Variants in MRC1 observed in about 807,000 individuals in gnomAD.
The protein encoded by MRC1 is macrophage mannose receptor 1.
MRC1 carries 62 observed loss-of-function variants against 102.9 expected under a neutral mutation model. The observed-to-expected ratio is 0.60, with a 90% CI of 0.49 to 0.74. The LOEUF (loss-of-function observed/expected upper bound fraction) is 0.74, where lower values mean the gene tolerates loss of function less well. MRC1 is among the 30% of genes least tolerant of loss of function. MRC1 has a pLI of 0.00. For synonymous variants in MRC1, 457 were observed against 298.4 expected (o/e 1.53, Z -5.48); for missense variants, 1,237 against 862.8 (o/e 1.43, Z -5.43).
intron 12 of MRC1, among the ~76,000 whole-genome samples, chr10:17,867,242 C>T (rs1401758246): frequency 1.3e-5 from 2 of 150,094 alleles, no homozygotes; most frequent in South Asian, 2.1e-4. Flanking sequence ...CTCCTCTCTC[C>T]CCCTTCCCCC....
At chr10:17,833,869 C>T (rs1838621163) in intron 4 of MRC1, 30 bp downstream of exon 4, 1 of 779,374 alleles carries the variant, frequency 1.3e-6, no homozygotes, top group Admixed American at 1.7e-5. Flanking sequence ...CAAGTAAAAT[C>T]ATGACTGCTT....
intron 14 of MRC1, 91 bp downstream of exon 14, chr10:17,871,026 A>T: frequency 1.3e-6 from 1 of 794,764 alleles, no homozygotes; most frequent in East Asian, 2.4e-5. Flanking sequence ...TTTTAATAAG[A>T]CAGTTCATTA....
intron 15 of MRC1, among the ~76,000 whole-genome samples, chr10:17,872,350 AC>A (rs1427236238): frequency 6.6e-6 from 1 of 152,222 alleles, no homozygotes; most frequent in Non-Finnish European, 1.5e-5. Context: ...GGCAAGAGTC[AC>A]GTCCTTCCAA....
chr10:17,856,386 A>G, intron 9 of MRC1, 34 bp downstream of exon 9: 1 of 821,806 alleles, frequency 1.2e-6, no homozygotes, highest in East Asian at 2.6e-5. Context: ...ACTTAAGCTG[A>G]GCACGTATGA....
At chr10:17,878,275 T>C (rs1367023424) in intron 18 of MRC1, among the ~76,000 whole-genome samples, 1 of 152,220 alleles carries the variant, frequency 6.6e-6, no homozygotes, top group Non-Finnish European at 1.5e-5. Context: ...ATACAAATAC[T>C]GAATTTATTT....
chr10:17,865,702 T>C (rs921769987), intron 11 of MRC1, among the ~76,000 whole-genome samples: 6,067 of 152,292 alleles, frequency 0.04, 369 homozygotes, highest in African/African-American at 0.13. Flanking sequence ...TAGTCATCTA[T>C]TCCACAGTTA....
At chr10:17,839,838 C>A (rs1206212728) in intron 4 of MRC1, among the ~76,000 whole-genome samples, 4 of 151,366 alleles carry the variant, frequency 2.6e-5, no homozygotes, top group African/African-American at 7.3e-5. Flanking sequence ...GTGGGCGGAT[C>A]ACCTGAGGTC....
chr10:17,819,898 T>C (rs1838370355), intron 1 of MRC1, among the ~76,000 whole-genome samples: 1 of 152,146 alleles, frequency 6.6e-6, no homozygotes, highest in Non-Finnish European at 1.5e-5. Context: ...TGAGCTGTGA[T>C]TGCACTACTG....
chr10:17,839,228 T>C (rs1838714114), intron 4 of MRC1, among the ~76,000 whole-genome samples: 1 of 152,232 alleles, frequency 6.6e-6, no homozygotes, highest in Admixed American at 6.5e-5. Context: ...TAAAGAGCTA[T>C]TATCATTTCT....
At chr10:17,847,925 TC>T (rs1476259653) in intron 6 of MRC1, among the ~76,000 whole-genome samples, 2 of 51,534 alleles carry the variant, frequency 3.9e-5, no homozygotes, top group East Asian at 5.8e-3. Context: ...TTCTTTTTCT[TC>T]TTTTTTTTTT....
At chr10:17,870,976 G>T (rs1045444268) in intron 14 of MRC1, 41 bp downstream of exon 14, 1 of 856,192 alleles carries the variant, frequency 1.2e-6, no homozygotes, top group Non-Finnish European at 2.0e-6. Context: ...TTACTTTATC[G>T]TGTATTTATT....
At chr10:17,870,807 A>C (rs2130676106) in intron 13 of MRC1, 41 bp from the exon 14 acceptor site, 1 of 871,040 alleles carries the variant, frequency 1.1e-6, no homozygotes, top group Admixed American at 1.7e-5. Flanking sequence ...AACTTGCTTC[A>C]TGCAATAGCA....
At chr10:17,897,827 T>A (rs1833776333) in intron 23 of MRC1, among the ~76,000 whole-genome samples, 1 of 152,212 alleles carries the variant, frequency 6.6e-6, no homozygotes, top group South Asian at 2.1e-4. Context: ...AAATATAGTT[T>A]GGAATTAATT....
intron 1 of MRC1, among the ~76,000 whole-genome samples, chr10:17,813,701 T>TA (rs199643443): frequency 0.23 from 24,809 of 106,470 alleles, 2,224 homozygotes; most frequent in Middle Eastern, 0.29. Flanking sequence ...TATATATATA[T>TA]TTTTTTTTTT....
At chr10:17,838,923 T>C (rs1175750840) in intron 4 of MRC1, among the ~76,000 whole-genome samples, 2 of 152,244 alleles carry the variant, frequency 1.3e-5, no homozygotes, top group African/African-American at 4.8e-5. Context: ...TCTGCTCTTT[T>C]ATAAAATTAC....
chr10:17,909,142 C>CT (rs1267438100), intron 28 of MRC1, among the ~76,000 whole-genome samples, 164 bp from the exon 29 acceptor site: 4 of 151,884 alleles, frequency 2.6e-5, no homozygotes, highest in Non-Finnish European at 5.9e-5. Flanking sequence ...AGGTACAGAT[C>CT]TTTTTTTTCT....
chr10:17,819,263 T>C (rs1472268923), intron 1 of MRC1, among the ~76,000 whole-genome samples: 1 of 152,164 alleles, frequency 6.6e-6, no homozygotes, highest in Non-Finnish European at 1.5e-5. Flanking sequence ...GGTTTTGCAA[T>C]TTGGCATCAG....
chr10:17,886,848 T>C (rs1406698971), intron 22 of MRC1, among the ~76,000 whole-genome samples: 2 of 152,154 alleles, frequency 1.3e-5, no homozygotes, highest in African/African-American at 4.8e-5. Flanking sequence ...TGGCTTTGAA[T>C]ACAGCAGGAG....
At chr10:17,822,379 T>A (rs1838409016) in intron 1 of MRC1, among the ~76,000 whole-genome samples, 1 of 152,188 alleles carries the variant, frequency 6.6e-6, no homozygotes, top group African/African-American at 2.4e-5. Context: ...ATCCTAGTAC[T>A]TTGAGAGGCT....
Sources: gnomAD v4.1 joint callset for allele counts (sites outside exome capture counted in the v4.1 genomes callset) on GRCh38, gnomAD v4.1.1 for gene constraint, MANE v1.5 for transcripts, NCBI Gene and HGNC (gene_info 2026-07-23, HGNC 2026-07-21) for gene names.